Variants in DAPP1 observed in about 807,000 individuals in gnomAD.
DAPP1 encodes dual adapter for phosphotyrosine and 3-phosphotyrosine and 3-phosphoinositide.
Under a neutral mutation model 41.5 loss-of-function variants are expected in DAPP1, and 20 were observed. The observed-to-expected ratio is 0.48, with a 90% CI of 0.34 to 0.70. The LOEUF is 0.70. Among genes scored for constraint, DAPP1 ranks in the 30% least tolerant of loss-of-function variants. DAPP1 has a pLI of 0.01. For missense variants in DAPP1, 233 were observed against 333.4 expected, an observed-to-expected ratio of 0.70 and a Z score of 2.35; for synonymous variants, 113 against 116.2, an observed-to-expected ratio of 0.97 and a Z score of 0.18.
chr4:99,852,816 A>G (rs1723909820), intron 3 of DAPP1, among the ~76,000 whole-genome samples: 1 of 152,160 alleles, frequency 6.6e-6, no homozygotes, highest in African/African-American at 2.4e-5. Flanking sequence ...CCTTCCTGGA[A>G]AACTTCCAGT....
downstream of DAPP1, among the ~76,000 whole-genome samples, chr4:99,870,590 G>C (rs751562778): frequency 2.0e-5 from 3 of 152,218 alleles, no homozygotes; most frequent in African/African-American, 7.2e-5. Flanking sequence ...AGTGGAGCCT[G>C]TGAGGGTTCC....
intron 4 of DAPP1, among the ~76,000 whole-genome samples, chr4:99,860,038 A>T (rs1312816026): frequency 6.6e-6 from 1 of 152,258 alleles, no homozygotes; most frequent in Non-Finnish European, 1.5e-5. Context: ...AGGTAGTAGG[A>T]TGGCAGGAAG....
At chr4:99,837,470 C>T (rs918899507) in intron 2 of DAPP1, among the ~76,000 whole-genome samples, 1 of 152,206 alleles carries the variant, frequency 6.6e-6, no homozygotes, top group African/African-American at 2.4e-5. Flanking sequence ...TAACATTTCT[C>T]ATGTCACCCT....
At chr4:99,865,016 G>T (rs1393786372) in intron 7 of DAPP1, 2 of 152,114 alleles carry the variant, frequency 1.3e-5, no homozygotes. Flanking sequence ...CTCCCATAGG[G>T]AGTACCAAAC....
chr4:99,819,913 T>C (rs1448871411), intron 1 of DAPP1, among the ~76,000 whole-genome samples: 2 of 152,184 alleles, frequency 1.3e-5, no homozygotes, highest in South Asian at 2.1e-4. Flanking sequence ...CCAGGACATA[T>C]ACAACTTGCT....
intron 5 of DAPP1, 47 bp downstream of exon 5, chr4:99,861,672 C>T: frequency 6.5e-7 from 1 of 1,540,502 alleles, no homozygotes; most frequent in Non-Finnish European, 8.8e-7. Context: ...AAAAAGAGAA[C>T]ACGTCATGTA....
At chr4:99,838,128 A>T (rs1026772741) in intron 2 of DAPP1, among the ~76,000 whole-genome samples, 1 of 152,188 alleles carries the variant, frequency 6.6e-6, no homozygotes, top group Non-Finnish European at 1.5e-5. Flanking sequence ...CCCTGGCATG[A>T]ATCTTCCAAA....
chr4:99,869,310 A>C lies in DAPP1; in HGVS notation c.*1125A>C, dbSNP rs1225766026. 2.0e-5 allele frequency: 3 copies of C among 152,228 alleles called. No homozygotes were observed. 9.4% of individuals were successfully genotyped at this position (152,228 alleles called of 1,614,324 possible). On this transcript the variant is annotated 3_prime_UTR_variant, in exon 9 of 9. Coordinates refer to ENST00000512369, the MANE Select transcript of DAPP1 (RefSeq NM_014395.3). Reference sequence around the variant, plus strand: ...AAGGAGGCAAATAGAAGAATGAGATACTGATGTCCACAGTTCATTGGCAGA... The same window carrying C: ...AAGGAGGCAAATAGAAGAATGAGATCCTGATGTCCACAGTTCATTGGCAGA...
chr4:99,864,351 A>G (rs1724354397), intron 7 of DAPP1: 1 of 153,124 alleles, frequency 6.5e-6, no homozygotes, highest in South Asian at 2.0e-4. Context: ...GTTGAAAGAC[A>G]TACGTTTACA....
chr4:99,831,740 C>T (rs1268271657), intron 1 of DAPP1, among the ~76,000 whole-genome samples: 2 of 152,228 alleles, frequency 1.3e-5, no homozygotes, highest in South Asian at 2.1e-4. Context: ...TAGCCATTGC[C>T]CAAATTCTCC....
At chr4:99,830,719 C>A (rs879415245) in intron 1 of DAPP1, among the ~76,000 whole-genome samples, 1 of 152,144 alleles carries the variant, frequency 6.6e-6, no homozygotes, top group Admixed American at 6.6e-5. Context: ...AACTGCGGAT[C>A]CAAACCCCAC....
intron 3 of DAPP1, among the ~76,000 whole-genome samples, chr4:99,850,456 G>A (rs1723816766): frequency 6.6e-6 from 1 of 151,918 alleles, no homozygotes; most frequent in South Asian, 2.1e-4. Context: ...GTGTGTGCCT[G>A]GTCGTATCAA....
At chr4:99,831,986 A>G (rs1410061963) in intron 1 of DAPP1, among the ~76,000 whole-genome samples, 1 of 149,932 alleles carries the variant, frequency 6.7e-6, no homozygotes, top group Admixed American at 6.7e-5. Flanking sequence ...AAAAAAAAAA[A>G]CAGGTTATAT....
chr4:99,859,695 G>A (rs1006646644), intron 4 of DAPP1, among the ~76,000 whole-genome samples: 1 of 152,134 alleles, frequency 6.6e-6, no homozygotes, highest in African/African-American at 2.4e-5. Flanking sequence ...CAACCACCCA[G>A]TCATGCTTCA....
chr4:99,859,130 G>T (rs1724151288), intron 4 of DAPP1, among the ~76,000 whole-genome samples: 1 of 151,978 alleles, frequency 6.6e-6, no homozygotes, highest in Middle Eastern at 3.4e-3. Context: ...TAACCAGGCT[G>T]GTATCGAACT....
chr4:99,870,974 C>A (rs1026490171), downstream of DAPP1, among the ~76,000 whole-genome samples: 2 of 152,046 alleles, frequency 1.3e-5, no homozygotes, highest in Non-Finnish European at 2.9e-5. Flanking sequence ...TGGAATGGAA[C>A]CCCATCATAA....
chr4:99,839,369 A>AGATATATATAGAT (rs1723415790), intron 2 of DAPP1, among the ~76,000 whole-genome samples: 1 of 108,178 alleles, frequency 9.2e-6, no homozygotes, highest in African/African-American at 3.8e-5. Context: ...ATAGATATAT[A>AGATATATATAGAT]TAGATATCTA....
intron 7 of DAPP1, 23 bp downstream of exon 7, chr4:99,863,878 C>A (rs542362703): frequency 1.4e-6 from 2 of 1,477,226 alleles, no homozygotes; most frequent in African/African-American, 1.4e-5. Context: ...ATAAAGAAAA[C>A]GTTTTTTAAT....
intron 8 of DAPP1, 115 bp downstream of exon 8, chr4:99,866,236 G>A: frequency 4.7e-6 from 3 of 644,072 alleles, no homozygotes; most frequent in Non-Finnish European, 8.4e-6. Context: ...AGATGTCTGG[G>A]TGTCTACTTC....
Sources: allele counts gnomAD v4.1 joint callset (sites outside exome capture counted in the v4.1 genomes callset), GRCh38; gene constraint gnomAD v4.1.1; transcripts MANE v1.5; gene names NCBI Gene and HGNC (gene_info 2026-07-23, HGNC 2026-07-21).